Variants in RYR2 observed in about 807,000 individuals in gnomAD.
RYR2 encodes the protein ryanodine receptor 2, also known as cardiac muscle ryanodine receptor-calcium release channel.
RYR2 carries 227 observed loss-of-function variants against 601.1 expected under a neutral mutation model. The observed-to-expected ratio is 0.38, with a 90% CI of 0.34 to 0.42. RYR2 has a LOEUF of 0.42. RYR2 is among the 10% of genes least tolerant of loss of function. RYR2 has a pLI of 1.00. For missense variants in RYR2, 4,646 were observed against 6,156.5 expected (o/e 0.75, Z 8.21); for synonymous variants, 2,223 against 2,175.1 (o/e 1.02, Z -0.61).
At chr1:237,735,046 C>T (rs1214259102) in intron 79 of RYR2, among the ~76,000 whole-genome samples, 4 of 152,032 alleles carry the variant, frequency 2.6e-5, no homozygotes, top group Non-Finnish European at 5.9e-5. Context: ...TGGAGAGAAC[C>T]TTAAGTGTGA....
At chr1:237,215,342 T>C (rs1022840582) in intron 1 of RYR2, among the ~76,000 whole-genome samples, 1 of 152,150 alleles carries the variant, frequency 6.6e-6, no homozygotes, top group Non-Finnish European at 1.5e-5. Context: ...AAAAAAACAC[T>C]ATATACAGGG....
intron 27 of RYR2, among the ~76,000 whole-genome samples, chr1:237,560,598 A>G (rs1434644267): frequency 6.6e-6 from 1 of 152,184 alleles, no homozygotes; most frequent in East Asian, 1.9e-4. Context: ...AAACATCACT[A>G]GTTTGCTGTT....
intron 1 of RYR2, among the ~76,000 whole-genome samples, chr1:237,207,204 T>C (rs1437188134): frequency 6.7e-6 from 1 of 150,256 alleles, no homozygotes; most frequent in Non-Finnish European, 1.5e-5. Flanking sequence ...TATTAAGAGG[T>C]AGGGCCTTTA....
chr1:237,147,984 A>G (rs1674203251), intron 1 of RYR2, among the ~76,000 whole-genome samples: 1 of 152,244 alleles, frequency 6.6e-6, no homozygotes, highest in Non-Finnish European at 1.5e-5. Context: ...TATTCAGGCC[A>G]GAGTTAATGA....
At chr1:237,650,202 C>A in intron 50 of RYR2, 105 bp downstream of exon 50, 1 of 1,076,430 alleles carries the variant, frequency 9.3e-7, no homozygotes, top group Non-Finnish European at 1.4e-6. Flanking sequence ...TTCCATACCA[C>A]AAATTTAATT....
intron 67 of RYR2, among the ~76,000 whole-genome samples, chr1:237,706,347 G>C (rs772150079): frequency 6.6e-6 from 1 of 152,188 alleles, no homozygotes; most frequent in Non-Finnish European, 1.5e-5. Context: ...TTGATGTTAA[G>C]AAAGAAGGGA....
chr1:237,307,553 G>C (rs1694000218), intron 2 of RYR2, among the ~76,000 whole-genome samples: 1 of 152,064 alleles, frequency 6.6e-6, no homozygotes, highest in Non-Finnish European at 1.5e-5. Flanking sequence ...TATATTCATT[G>C]GCTTATCTAC....
intron 100 of RYR2, among the ~76,000 whole-genome samples, chr1:237,810,203 T>G (rs1190485950): frequency 6.6e-6 from 1 of 152,028 alleles, no homozygotes; most frequent in Non-Finnish European, 1.5e-5. Flanking sequence ...TAAAGGCAAA[T>G]GGTAAACTGG....
intron 14 of RYR2, among the ~76,000 whole-genome samples, chr1:237,452,900 C>T (rs1658372130): frequency 6.6e-6 from 1 of 151,862 alleles, no homozygotes; most frequent in Non-Finnish European, 1.5e-5. Context: ...TTTCTTCTGA[C>T]AAGAGACTTC....
chr1:237,415,089 A>G (rs1704832796), intron 10 of RYR2, among the ~76,000 whole-genome samples: 2 of 152,192 alleles, frequency 1.3e-5, no homozygotes, highest in Non-Finnish European at 1.5e-5. Context: ...TGCCATGCAC[A>G]GGACAGCCCA....
intron 74 of RYR2, among the ~76,000 whole-genome samples, chr1:237,723,640 T>C (rs537263728): frequency 3.9e-5 from 6 of 152,168 alleles, no homozygotes; most frequent in Non-Finnish European, 5.9e-5. Flanking sequence ...GTTTGAGATA[T>C]TATCTTTTAC....
Position 237,219,347 on chromosome 1 carries a change from C to T in RYR2, c.49-51150C>T, listed in dbSNP as rs376079233. Reference sequence around the variant, plus strand: ...CTTTATGTTAATCCGTCCATTCACTCATCATAGGACGGCTGCAGGACTTTC... The same window carrying T: ...CTTTATGTTAATCCGTCCATTCACTTATCATAGGACGGCTGCAGGACTTTC... On this transcript the variant is annotated intron_variant, in intron 1 of 104. Transcript: ENST00000366574. Among the ~76,000 whole-genome samples, 9 of 152,250 alleles carry T rather than the reference C, an allele frequency of 5.9e-5. No homozygotes were observed. In the East Asian group the frequency reaches 1.5e-3, roughly 26 times the overall value.
At chr1:237,253,688 A>T (rs1374692125) in intron 1 of RYR2, among the ~76,000 whole-genome samples, 1 of 152,152 alleles carries the variant, frequency 6.6e-6, no homozygotes, top group African/African-American at 2.4e-5. Flanking sequence ...CCTAACTTTT[A>T]TCAGGAATAG....
chr1:237,123,850 G>A (rs1671102301), intron 1 of RYR2, among the ~76,000 whole-genome samples: 1 of 151,584 alleles, frequency 6.6e-6, no homozygotes, highest in South Asian at 2.1e-4. Flanking sequence ...TGTATTTTTA[G>A]TAGAGACGGG....
chr1:237,254,624 T>C (rs564539302), intron 1 of RYR2, among the ~76,000 whole-genome samples: 1 of 152,324 alleles, frequency 6.6e-6, no homozygotes, highest in South Asian at 2.1e-4. Context: ...GAGGATGGTT[T>C]TCAGCATTCT....
intron 1 of RYR2, among the ~76,000 whole-genome samples, chr1:237,270,041 T>C (rs1005468703): frequency 4.6e-5 from 7 of 152,226 alleles, no homozygotes; most frequent in African/African-American, 1.7e-4. Flanking sequence ...AGTTCTGTTA[T>C]TGACCTGTTT....
intron 92 of RYR2, among the ~76,000 whole-genome samples, chr1:237,789,326 C>T (rs974493083): frequency 2.6e-5 from 4 of 152,136 alleles, no homozygotes; most frequent in Non-Finnish European, 5.9e-5. Context: ...AAATGCTTAT[C>T]TTTAAACATG....
At chr1:237,406,249 G>A (rs890764347) in intron 10 of RYR2, among the ~76,000 whole-genome samples, 17 of 126,024 alleles carry the variant, frequency 1.3e-4, no homozygotes, top group African/African-American at 3.9e-4. Flanking sequence ...CTCTTTATAC[G>A]TAGTTTCCCC....
intron 62 of RYR2, among the ~76,000 whole-genome samples, chr1:237,682,934 T>C (rs916842191): frequency 1.3e-5 from 2 of 152,122 alleles, no homozygotes; most frequent in Non-Finnish European, 2.9e-5. Flanking sequence ...GAGGAAAATA[T>C]GAATAAGGAA....
Sources: allele counts gnomAD v4.1 joint callset (sites outside exome capture counted in the v4.1 genomes callset), GRCh38; gene constraint gnomAD v4.1.1; transcripts MANE v1.5; gene names NCBI Gene and HGNC (gene_info 2026-07-23, HGNC 2026-07-21).